MACROD2: variants seen among roughly 807,000 people sequenced by gnomAD.
MACROD2 encodes mono-ADP ribosylhydrolase 2, also known as ADP-ribose glycohydrolase MACROD2.
In MACROD2, 36 loss-of-function variants were observed where a neutral mutation model predicts 70.4. The ratio of observed to expected loss-of-function variants is 0.51; its 90% CI spans 0.39 to 0.68. The LOEUF (loss-of-function observed/expected upper bound fraction) is 0.68, where lower values mean the gene tolerates loss of function less well. Ranked by LOEUF, MACROD2 falls within the 30% of genes least tolerant of loss-of-function variation. The probability of loss-of-function intolerance (pLI) is 0.00; values close to 1 mark genes in which losing one functional copy is unlikely to be tolerated. For missense variants in MACROD2, 496 were observed against 538.4 expected, an observed-to-expected ratio of 0.92 and a Z score of 0.78; for synonymous variants, 172 against 178.8, an observed-to-expected ratio of 0.96 and a Z score of 0.30.
At chr20:15,030,730 A>G (rs1333784933) in intron 5 of MACROD2, among the ~76,000 whole-genome samples, 2 of 152,204 alleles carry the variant, frequency 1.3e-5, no homozygotes, top group Admixed American at 6.5e-5. Flanking sequence ...GCAAATTCAG[A>G]TGCACCTGTC....
chr20:14,329,385 A>C (rs2082793306), intron 3 of MACROD2: 1 of 152,140 alleles, frequency 6.6e-6, no homozygotes, highest in African/African-American at 2.4e-5. Flanking sequence ...ATACTAGAGA[A>C]ATTTCCTAGA....
chr20:15,316,254 T>C (rs1415503183), intron 6 of MACROD2, among the ~76,000 whole-genome samples: 1 of 151,980 alleles, frequency 6.6e-6, no homozygotes, highest in Non-Finnish European at 1.5e-5. Flanking sequence ...TGGATAAAAT[T>C]TTCCCAAAGG....
At chr20:15,972,675 T>C (rs1400351187) in intron 13 of MACROD2, among the ~76,000 whole-genome samples, 1 of 152,020 alleles carries the variant, frequency 6.6e-6, no homozygotes, top group African/African-American at 2.4e-5. Flanking sequence ...CAAGGCACGG[T>C]GGTGGGCACC....
chr20:14,667,370 A>G (rs2070747145), intron 4 of MACROD2, among the ~76,000 whole-genome samples: 1 of 152,278 alleles, frequency 6.6e-6, no homozygotes, highest in South Asian at 2.1e-4. Flanking sequence ...GAACTGAAGT[A>G]TTGCATTTAG....
intron 12 of MACROD2, among the ~76,000 whole-genome samples, chr20:15,963,813 T>A (rs6080056): frequency 0.078 from 11,884 of 152,272 alleles, 590 homozygotes; most frequent in East Asian, 0.25. Context: ...TTAAACCTTT[T>A]CAACTTTCTG....
At chr20:15,234,739 G>A (rs1488071402) in intron 6 of MACROD2, among the ~76,000 whole-genome samples, 8 of 152,062 alleles carry the variant, frequency 5.3e-5, no homozygotes, top group Non-Finnish European at 7.4e-5. Context: ...GAAAATCTTG[G>A]TGAAATCTCG....
chr20:14,500,307 A>G (rs528153967), intron 4 of MACROD2, among the ~76,000 whole-genome samples: 12 of 152,182 alleles, frequency 7.9e-5, no homozygotes, highest in East Asian at 1.9e-4. Context: ...CCTCCATCAG[A>G]GCAACCTGGG....
intron 5 of MACROD2, among the ~76,000 whole-genome samples, chr20:14,945,303 C>T (rs1321252992): frequency 6.6e-6 from 1 of 151,964 alleles, no homozygotes; most frequent in Non-Finnish European, 1.5e-5. Flanking sequence ...GTCCTGAACT[C>T]CTGACCTCAA....
chr20:15,668,065 G>A (rs1418063606), intron 8 of MACROD2, among the ~76,000 whole-genome samples: 2 of 151,862 alleles, frequency 1.3e-5, no homozygotes. Flanking sequence ...TTCAAGACCA[G>A]CCTGGCCAAC....
At chr20:14,300,877 C>A (rs184458478) in intron 3 of MACROD2, among the ~76,000 whole-genome samples, 3 of 152,230 alleles carry the variant, frequency 2.0e-5, no homozygotes, top group Admixed American at 1.3e-4. Context: ...TCACATTAGA[C>A]CTTTGTTTAA....
chr20:14,005,660 T>C (rs1475918683), intron 2 of MACROD2, among the ~76,000 whole-genome samples: 1 of 152,072 alleles, frequency 6.6e-6, no homozygotes, highest in Non-Finnish European at 1.5e-5. Context: ...TGGAGTGCAG[T>C]GGCGCGATGT....
intron 3 of MACROD2, among the ~76,000 whole-genome samples, chr20:14,300,379 A>G (rs969895761): frequency 2.6e-5 from 4 of 152,194 alleles, no homozygotes; most frequent in Non-Finnish European, 4.4e-5. Flanking sequence ...TTTGACTCCA[A>G]AGCCCATGCT....
intron 4 of MACROD2, among the ~76,000 whole-genome samples, chr20:14,677,609 C>T (rs2070877833): frequency 6.6e-6 from 1 of 152,150 alleles, no homozygotes; most frequent in Non-Finnish European, 1.5e-5. Context: ...TTAGAAGGAG[C>T]TGCAGCTAGA....
Position 14,565,044 on chromosome 20 carries a change from G to A in MACROD2, c.301+71536G>A, listed in dbSNP as rs543928266. 1.3e-4 allele frequency among the ~76,000 whole-genome samples: 20 copies of A among 152,010 alleles called. 1 individual carries two copies. The South Asian group carries it at 1.4e-3, about 11-fold the overall frequency. ...CATGTCTTTTGCAGCAACATGGATA[G>A]AACAGGAGACCATTATCCTAACTGA... On this transcript the variant is annotated intron_variant, in intron 4 of 17. Transcript: ENST00000684519.
At chr20:14,422,760 G>T (rs1254499346) in intron 3 of MACROD2, among the ~76,000 whole-genome samples, 1 of 152,078 alleles carries the variant, frequency 6.6e-6, no homozygotes, top group Non-Finnish European at 1.5e-5. Flanking sequence ...TTATGCATTT[G>T]TCTTTTAAAT....
chr20:15,100,561 A>G lies in MACROD2; in HGVS notation c.419-129379A>G, dbSNP rs536167399. 3.3e-5 allele frequency among the ~76,000 whole-genome samples: 5 copies of G among 152,314 alleles called. No homozygotes were observed. In the South Asian group the frequency reaches 1.0e-3, roughly 32 times the overall value. Reference sequence around the variant, plus strand: ...CCAACACAGAATACCACATAAGCAGAAAGTTATCTCTGTAGCTAAAATTCT... The same window carrying G: ...CCAACACAGAATACCACATAAGCAGGAAGTTATCTCTGTAGCTAAAATTCT... On this transcript the variant is annotated intron_variant, in intron 5 of 17. Coordinates refer to ENST00000684519, the MANE Select transcript of MACROD2 (RefSeq NM_001351661.2).
At chr20:15,803,745 C>G (rs2063745887) in intron 8 of MACROD2, among the ~76,000 whole-genome samples, 1 of 152,150 alleles carries the variant, frequency 6.6e-6, no homozygotes, top group African/African-American at 2.4e-5. Flanking sequence ...CCAGTCATAA[C>G]AAAGAGTAGA....
chr20:15,495,310 A>G (rs2047283456), intron 7 of MACROD2, among the ~76,000 whole-genome samples: 2 of 152,158 alleles, frequency 1.3e-5, no homozygotes, highest in Admixed American at 6.5e-5. Flanking sequence ...TTTATCCTGA[A>G]CATCATGCTT....
chr20:15,653,394 G>T (rs2049676366), intron 8 of MACROD2, among the ~76,000 whole-genome samples: 1 of 152,154 alleles, frequency 6.6e-6, no homozygotes, highest in Non-Finnish European at 1.5e-5. Context: ...AACAAGTATG[G>T]GCAGAATCAG....
Sources: gnomAD v4.1 joint callset for allele counts (sites outside exome capture counted in the v4.1 genomes callset) on GRCh38, gnomAD v4.1.1 for gene constraint, MANE v1.5 for transcripts, NCBI Gene and HGNC (gene_info 2026-07-23, HGNC 2026-07-21) for gene names.